Variants in ESRRG observed in about 807,000 individuals in gnomAD.
ESRRG encodes the protein estrogen related receptor gamma.
A neutral mutation model predicts 44.0 loss-of-function variants in ESRRG; 13 were observed. That is an observed-to-expected ratio of 0.30 (90% CI 0.19 to 0.47). The LOEUF is 0.47. Ranked by LOEUF, ESRRG falls within the 20% of genes least tolerant of loss-of-function variation. ESRRG has a pLI of 1.00. For missense variants in ESRRG, 395 were observed against 580.6 expected (o/e 0.68, Z 3.29); for synonymous variants, 215 against 214.6 (o/e 1.00, Z -0.02).
intron 2 of ESRRG, among the ~76,000 whole-genome samples, chr1:216,662,637 C>A (rs1461116135): frequency 6.6e-6 from 1 of 151,398 alleles, no homozygotes; most frequent in Non-Finnish European, 1.5e-5. Context: ...GGGGGGGTTC[C>A]TGTTTGATGA....
Position 216,641,374 on chromosome 1 carries a change from C to T in ESRRG, c.589+9599G>A, listed in dbSNP as rs117945248. 1.8e-4 allele frequency among the ~76,000 whole-genome samples: 27 copies of T among 152,290 alleles called. 1 individual carries two copies. In the East Asian group the frequency reaches 2.9e-3, roughly 16 times the overall value. ...GGAGTATGTGATAGTCTTCTATGAGCCACACGGATTACATGCAGAATCATG... is the reference window on the plus strand; with the variant it reads ...GGAGTATGTGATAGTCTTCTATGAGTCACACGGATTACATGCAGAATCATG... On this transcript the variant is annotated intron_variant, in intron 3 of 6. Transcript: ENST00000408911.
chr1:216,950,639 G>T (rs2150068151), intron 1 of ESRRG, among the ~76,000 whole-genome samples: 1 of 152,170 alleles, frequency 6.6e-6, no homozygotes, highest in African/African-American at 2.4e-5. Context: ...GAGTGCAAAA[G>T]GTTAAACAAA....
At position 216,507,993 on chromosome 1, in the gene ESRRG, C is replaced by T. The variant is rs11572829; in HGVS notation, c.1133-810G>A. 9.6e-3 allele frequency among the ~76,000 whole-genome samples: 1,460 copies of T among 152,276 alleles called. 18 individuals carry two copies. The highest frequency in any genetic ancestry group is 0.034 in the African/African-American group (1,412 of 41,554). ...TACAGCTCCAGCTCTAAAGCAGACA[C>T]TTAATTATATACAAGTTTGAATCAT... is the stretch of plus-strand genomic sequence containing the variant. On this transcript the variant is annotated intron_variant, in intron 6 of 6. Coordinates refer to ENST00000408911, the MANE Select transcript of ESRRG (RefSeq NM_001438.4).
intron 2 of ESRRG, among the ~76,000 whole-genome samples, chr1:216,817,377 G>C (rs1223459148): frequency 6.6e-6 from 1 of 152,160 alleles, no homozygotes; most frequent in Admixed American, 6.5e-5. Context: ...TCAACTCCAG[G>C]AAAAATAATA....
intron 1 of ESRRG, among the ~76,000 whole-genome samples, chr1:217,112,680 G>T (rs977909354): frequency 2.6e-5 from 4 of 152,144 alleles, no homozygotes; most frequent in Non-Finnish European, 5.9e-5. Flanking sequence ...GATTTGCTAG[G>T]TTTCAAAATA....
intron 3 of ESRRG, among the ~76,000 whole-genome samples, chr1:216,583,202 G>T (rs576741389): frequency 3.9e-4 from 59 of 152,306 alleles, no homozygotes; most frequent in African/African-American, 1.4e-3. Flanking sequence ...ACACATACTG[G>T]ATGGCCAGCA....
At chr1:216,655,844 A>G (rs752832381) in intron 2 of ESRRG, among the ~76,000 whole-genome samples, 11 of 152,048 alleles carry the variant, frequency 7.2e-5, no homozygotes, top group Non-Finnish European at 1.2e-4. Flanking sequence ...ATGATCACCC[A>G]CCCAACAAAG....
At chr1:216,679,200 G>C (rs1220535657) in intron 1 of ESRRG, among the ~76,000 whole-genome samples, 1 of 152,126 alleles carries the variant, frequency 6.6e-6, no homozygotes, top group African/African-American at 2.4e-5. Context: ...AAGAACTAGC[G>C]AAAGAAAAAA....
At chr1:216,624,940 T>C (rs10779268) in intron 3 of ESRRG, among the ~76,000 whole-genome samples, 59,429 of 151,950 alleles carry the variant, frequency 0.39, 12,156 homozygotes, top group East Asian at 0.53. Flanking sequence ...ACTTGGCTTC[T>C]GGTACCCTAC....
chr1:216,570,419 A>T (rs1049940086), intron 3 of ESRRG, among the ~76,000 whole-genome samples: 2 of 152,136 alleles, frequency 1.3e-5, no homozygotes, highest in Non-Finnish European at 2.9e-5. Flanking sequence ...TTTTTATTGC[A>T]TCTATATTTA....
At chr1:216,528,011 C>T (rs1295717562) in intron 5 of ESRRG, among the ~76,000 whole-genome samples, 1 of 151,826 alleles carries the variant, frequency 6.6e-6, no homozygotes, top group African/African-American at 2.4e-5. Context: ...GTGCCTGTCA[C>T]ATAGCTGGCG....
At chr1:217,088,674 A>T (rs970081089) in intron 1 of ESRRG, among the ~76,000 whole-genome samples, 4 of 151,916 alleles carry the variant, frequency 2.6e-5, no homozygotes, top group Non-Finnish European at 5.9e-5. Context: ...GGGGGTTTCT[A>T]CAGGCCCTTC....
chr1:216,766,462 A>G (rs1226296752), intron 2 of ESRRG, among the ~76,000 whole-genome samples: 1 of 152,040 alleles, frequency 6.6e-6, no homozygotes, highest in Non-Finnish European at 1.5e-5. Context: ...GCCCCAGTCC[A>G]AATTTGGGGA....
At chr1:217,090,398 C>G (rs1252899548), upstream of ESRRG, 1 of 152,116 alleles carries the variant, frequency 6.6e-6, no homozygotes, top group African/African-American at 2.4e-5. Flanking sequence ...ACCCACCTCC[C>G]AACCCTGAAA....
At chr1:216,983,912 C>T (rs977679376) in intron 1 of ESRRG, among the ~76,000 whole-genome samples, 1 of 152,072 alleles carries the variant, frequency 6.6e-6, no homozygotes, top group East Asian at 1.9e-4. Flanking sequence ...ATGGATATCT[C>T]CTCCATTTGG....
At chr1:216,655,567 C>G (rs751849358) in intron 2 of ESRRG, among the ~76,000 whole-genome samples, 1 of 152,128 alleles carries the variant, frequency 6.6e-6, no homozygotes, top group Non-Finnish European at 1.5e-5. Flanking sequence ...ATCAGTGGTC[C>G]TAGCATCTTC....
At chr1:216,890,656 C>T (rs560856370) in intron 2 of ESRRG, among the ~76,000 whole-genome samples, 1 of 152,234 alleles carries the variant, frequency 6.6e-6, no homozygotes, top group Non-Finnish European at 1.5e-5. Context: ...CAAATACATC[C>T]CCTTATTGCC....
intron 5 of ESRRG, among the ~76,000 whole-genome samples, chr1:216,533,345 C>T (rs554831910): frequency 3.9e-5 from 6 of 152,110 alleles, no homozygotes; most frequent in African/African-American, 4.8e-5. Flanking sequence ...TAAAGTCTTC[C>T]TTTGGGGATG....
chr1:217,089,294 G>A (rs1366309133), intron 1 of ESRRG, among the ~76,000 whole-genome samples: 1 of 151,680 alleles, frequency 6.6e-6, no homozygotes, highest in Non-Finnish European at 1.5e-5. Flanking sequence ...CAGTTTTGCA[G>A]TCATGGTAAG....
Sources: gnomAD v4.1 joint callset for allele counts (sites outside exome capture counted in the v4.1 genomes callset) on GRCh38, gnomAD v4.1.1 for gene constraint, MANE v1.5 for transcripts, NCBI Gene and HGNC (gene_info 2026-07-23, HGNC 2026-07-21) for gene names.